AP3S1: variants seen among roughly 807,000 people sequenced by gnomAD.
AP3S1 encodes AP-3 complex subunit sigma-1.
Under a neutral mutation model 21.3 loss-of-function variants are expected in AP3S1, and 12 were observed. That is an observed-to-expected ratio of 0.56 (90% confidence interval 0.36 to 0.91). The LOEUF is 0.91. Ranked by LOEUF, AP3S1 falls within the 40% of genes least tolerant of loss-of-function variation. AP3S1 has a pLI of 0.01. For missense variants in AP3S1, 116 were observed against 225.0 expected, an observed-to-expected ratio of 0.52 and a Z score of 3.10; for synonymous variants, 48 against 78.4, an observed-to-expected ratio of 0.61 and a Z score of 2.05.
intron 5 of AP3S1, among the ~76,000 whole-genome samples, chr5:115,909,925 A>G (rs1751961111): frequency 6.6e-6 from 1 of 152,196 alleles, no homozygotes; most frequent in Admixed American, 6.5e-5. Context: ...TAAGAGATTA[A>G]CAACTAATAA....
intron 5 of AP3S1, among the ~76,000 whole-genome samples, chr5:115,905,068 G>C (rs1751530672): frequency 6.6e-6 from 1 of 152,090 alleles, no homozygotes; most frequent in South Asian, 2.1e-4. Flanking sequence ...GCTTGTGGGA[G>C]TTATTTATAT....
intron 5 of AP3S1, among the ~76,000 whole-genome samples, chr5:115,910,142 C>G (rs1164680174): frequency 6.6e-6 from 1 of 151,758 alleles, no homozygotes; most frequent in Non-Finnish European, 1.5e-5. Context: ...TGGGACACAC[C>G]TGTAGTTCTA....
At chr5:115,859,809 C>T (rs544439644) in intron 1 of AP3S1, among the ~76,000 whole-genome samples, 6 of 152,270 alleles carry the variant, frequency 3.9e-5, no homozygotes, top group East Asian at 1.9e-4. Flanking sequence ...CCTGCCTAGA[C>T]GGTGAAGAAG....
chr5:115,871,632 CT>C (rs1561493255), intron 3 of AP3S1, among the ~76,000 whole-genome samples: 1 of 151,990 alleles, frequency 6.6e-6, no homozygotes, highest in African/African-American at 2.4e-5. Flanking sequence ...GTGATATAGC[CT>C]TGTGTACACT....
At chr5:115,866,110 TA>T (rs1462630468) in intron 1 of AP3S1, among the ~76,000 whole-genome samples, 2 of 152,196 alleles carry the variant, frequency 1.3e-5, no homozygotes, top group African/African-American at 4.8e-5. Context: ...CGCTGACTCT[TA>T]CTGGAATATG....
chr5:115,873,620 C>T (rs1225983056), intron 3 of AP3S1, among the ~76,000 whole-genome samples: 1 of 152,100 alleles, frequency 6.6e-6, no homozygotes, highest in Non-Finnish European at 1.5e-5. Flanking sequence ...GTACTGAGCA[C>T]ACATGAGTCA....
chr5:115,904,989 G>A (rs1048919002), intron 5 of AP3S1, among the ~76,000 whole-genome samples: 13 of 152,088 alleles, frequency 8.5e-5, no homozygotes, highest in Non-Finnish European at 5.9e-5. Context: ...CTTTTCATTG[G>A]TGGTGGTCCT....
At position 115,866,709 on chromosome 5, in the gene AP3S1, C is replaced by T. The variant is rs1313252668; in HGVS notation, c.109C>T (p.His37Tyr). The T allele has an allele frequency of 4.4e-6, 7 of 1,605,700 alleles. No individual in the cohort carries two copies. Among genetic ancestry groups the T allele is most frequent in the Admixed American group, 1.7e-5 (1 of 59,284 alleles). Residue 37 changes from histidine (H) to tyrosine (Y), a missense_variant, in exon 2 of 6, where the codon CAT (histidine) becomes TAT (tyrosine). Coordinates refer to ENST00000316788, the MANE Select transcript of AP3S1 (RefSeq NM_001284.4). ...TQQQIIRETF[H>Y]LVSKRDENVC... ...ACAGCAAATCATCAGGGAGACTTTCCATTTGGTATCTAAGAGAGATGAAAA... is the reference window on the plus strand; with the variant it reads ...ACAGCAAATCATCAGGGAGACTTTCTATTTGGTATCTAAGAGAGATGAAAA...
intron 3 of AP3S1, among the ~76,000 whole-genome samples, chr5:115,874,063 A>G (rs1327725990): frequency 6.6e-6 from 1 of 152,048 alleles, no homozygotes; most frequent in Non-Finnish European, 1.5e-5. Context: ...TCGTTATGGA[A>G]TTTACACCGC....
chr5:115,866,873 G>T (rs1763663660), intron 2 of AP3S1, 112 bp downstream of exon 2: 3 of 495,884 alleles, frequency 6.0e-6, no homozygotes, highest in African/African-American at 2.0e-5. Flanking sequence ...TGGATTAGGT[G>T]AATTAATTGC....
chr5:115,847,386 G>C (rs1762140343), intron 1 of AP3S1, among the ~76,000 whole-genome samples: 1 of 152,214 alleles, frequency 6.6e-6, no homozygotes, highest in African/African-American at 2.4e-5. Flanking sequence ...GGGAGGCCTA[G>C]ATGGGAGGAT....
intron 4 of AP3S1, among the ~76,000 whole-genome samples, chr5:115,900,533 C>T (rs183665558): frequency 1.3e-5 from 2 of 152,274 alleles, no homozygotes; most frequent in Admixed American, 6.5e-5. Context: ...TCTAGGAGCC[C>T]TGATTCCTTT....
At chr5:115,852,656 T>C (rs1762521287) in intron 1 of AP3S1, among the ~76,000 whole-genome samples, 1 of 152,106 alleles carries the variant, frequency 6.6e-6, no homozygotes, top group Admixed American at 6.5e-5. Context: ...CAACCACTAA[T>C]CTGTTTTGTT....
chr5:115,886,432 G>A (rs532366987), intron 3 of AP3S1, among the ~76,000 whole-genome samples: 4 of 152,040 alleles, frequency 2.6e-5, no homozygotes, highest in South Asian at 2.1e-4. Context: ...ATGTGAAGAC[G>A]AAGATAAAGA....
chr5:115,870,484 G>A (rs1182785998), intron 3 of AP3S1, among the ~76,000 whole-genome samples: 1 of 152,150 alleles, frequency 6.6e-6, no homozygotes, highest in Non-Finnish European at 1.5e-5. Flanking sequence ...TCAGTCATCA[G>A]CAAATTTCTT....
intron 3 of AP3S1, among the ~76,000 whole-genome samples, chr5:115,888,603 C>T (rs1229982145): frequency 6.6e-6 from 1 of 151,824 alleles, no homozygotes; most frequent in Non-Finnish European, 1.5e-5. Context: ...CATTTTGTTG[C>T]AGGGTACTTT....
chr5:115,884,435 C>T (rs1333140211), intron 3 of AP3S1, among the ~76,000 whole-genome samples: 2 of 152,168 alleles, frequency 1.3e-5, no homozygotes, highest in South Asian at 2.1e-4. Flanking sequence ...CATGGTGGTG[C>T]GCGCCTGTAA....
At position 115,845,441 on chromosome 5, in the gene AP3S1, G is replaced by C. The variant is rs115256302; in HGVS notation, c.69+3335G>C. Among the ~76,000 whole-genome samples, 386 of 152,202 alleles carry C rather than the reference G, an allele frequency of 2.5e-3. 1 individual carries two copies. Among genetic ancestry groups the C allele is most frequent in the African/African-American group, 8.5e-3 (353 of 41,536 alleles). On this transcript the variant is annotated intron_variant, in intron 1 of 5. Coordinates refer to ENST00000316788, the MANE Select transcript of AP3S1 (RefSeq NM_001284.4). ...CATGCTGTAATAGATTGTTAGATTC[G>C]ATTGTGGCTCCAAGCTGTTATATGT...
At chr5:115,846,555 G>GTTTTTTTT (rs760506831) in intron 1 of AP3S1, among the ~76,000 whole-genome samples, 1 of 128,034 alleles carries the variant, frequency 7.8e-6, no homozygotes, top group African/African-American at 2.9e-5. Flanking sequence ...CTTCTTTCTC[G>GTTTTTTTT]TTTTTTTTTT....
Sources: allele counts gnomAD v4.1 joint callset (sites outside exome capture counted in the v4.1 genomes callset), GRCh38; gene constraint gnomAD v4.1.1; transcripts MANE v1.5; gene names NCBI Gene and HGNC (gene_info 2026-07-23, HGNC 2026-07-21).